GRM8: variants seen among roughly 807,000 people sequenced by gnomAD.
The protein encoded by GRM8 is glutamate metabotropic receptor 8, also known as metabotropic glutamate receptor 8.
Under a neutral mutation model 87.2 loss-of-function variants are expected in GRM8, and 47 were observed. That is an observed-to-expected ratio of 0.54 (90% CI 0.43 to 0.69). GRM8 has a LOEUF of 0.69. Among genes scored for constraint, GRM8 ranks in the 30% least tolerant of loss-of-function variants. GRM8 has a pLI of 0.00. For missense variants in GRM8, 1,019 were observed against 1,139.2 expected (o/e 0.89, Z 1.52); for synonymous variants, 396 against 404.5 (o/e 0.98, Z 0.25).
chr7:126,906,199 C>T (rs193239404), intron 3 of GRM8, among the ~76,000 whole-genome samples: 195 of 152,260 alleles, frequency 1.3e-3, no homozygotes, highest in African/African-American at 4.4e-3. Flanking sequence ...GACACTGAAC[C>T]AGGAAGAGGG....
intron 9 of GRM8, among the ~76,000 whole-genome samples, chr7:126,527,869 G>A (rs1814109501): frequency 6.6e-6 from 1 of 152,114 alleles, no homozygotes; most frequent in Non-Finnish European, 1.5e-5. Context: ...TTTAACTGCT[G>A]TAATCTGTAA....
chr7:126,472,948 G>T (rs1805471043), intron 9 of GRM8, among the ~76,000 whole-genome samples: 1 of 152,192 alleles, frequency 6.6e-6, no homozygotes, highest in South Asian at 2.1e-4. Context: ...TAAAAGTCAA[G>T]AATTGTGATT....
At chr7:126,883,601 A>AT (rs1554520267) in intron 6 of GRM8, among the ~76,000 whole-genome samples, 4 of 151,978 alleles carry the variant, frequency 2.6e-5, no homozygotes, top group African/African-American at 9.7e-5. Context: ...TAATCAAAGT[A>AT]TTTTTTTTAG....
intron 9 of GRM8, among the ~76,000 whole-genome samples, chr7:126,497,651 C>A (rs115709118): frequency 6.6e-6 from 1 of 151,924 alleles, no homozygotes; most frequent in Non-Finnish European, 1.5e-5. Context: ...TAAAATTATT[C>A]TAGATGGAAT....
chr7:126,946,258 T>C (rs1807525841), intron 3 of GRM8, among the ~76,000 whole-genome samples: 3 of 152,260 alleles, frequency 2.0e-5, no homozygotes, highest in Admixed American at 6.5e-5. Context: ...TCCCAGAACA[T>C]TGGGAGGCCA....
chr7:126,805,181 T>C (rs910200455), intron 6 of GRM8, among the ~76,000 whole-genome samples: 8 of 152,156 alleles, frequency 5.3e-5, no homozygotes, highest in African/African-American at 1.7e-4. Context: ...TTAATGACTG[T>C]CAGCTTCCCT....
intron 3 of GRM8, among the ~76,000 whole-genome samples, chr7:127,054,840 T>C (rs1819828735): frequency 6.6e-6 from 1 of 151,544 alleles, no homozygotes. Context: ...GTTGAACAAA[T>C]CAAAATTTAA....
rs181020267 is a variant in GRM8, at chr7:127,031,301, G to T, written c.727+75195C>A. On this transcript the variant is annotated intron_variant, in intron 3 of 10. Coordinates refer to ENST00000339582, the MANE Select transcript of GRM8 (RefSeq NM_000845.3). Reference sequence around the variant, plus strand: ...GTATCTAGAGGCTTTAAAAATGTTGGTATCATATTATTTGTCATTATCTGC... The same window carrying T: ...GTATCTAGAGGCTTTAAAAATGTTGTTATCATATTATTTGTCATTATCTGC... 2.5e-3 allele frequency among the ~76,000 whole-genome samples: 384 copies of T among 151,712 alleles called. 9 individuals are homozygous for T. Among genetic ancestry groups the T allele is most frequent in the Admixed American group, 0.024 (366 of 15,226 alleles).
At chr7:126,858,749 A>T (rs116166591) in intron 6 of GRM8, among the ~76,000 whole-genome samples, 8 of 152,144 alleles carry the variant, frequency 5.3e-5, no homozygotes, top group African/African-American at 1.9e-4. Flanking sequence ...GCTTTTTTCC[A>T]GTCCTGTTAA....
intron 3 of GRM8, among the ~76,000 whole-genome samples, chr7:127,008,839 C>G (rs185956023): frequency 6.6e-6 from 1 of 152,192 alleles, no homozygotes; most frequent in Admixed American, 6.5e-5. Context: ...ATCCGTTGCT[C>G]ATCAAAGATG....
At chr7:126,734,777 T>C (rs903353520) in intron 7 of GRM8, among the ~76,000 whole-genome samples, 4 of 152,066 alleles carry the variant, frequency 2.6e-5, no homozygotes, top group Admixed American at 2.6e-4. Flanking sequence ...AAGATTGACC[T>C]GTGAACAAGA....
intron 7 of GRM8, among the ~76,000 whole-genome samples, chr7:126,646,790 G>T (rs1026289625): frequency 1.3e-5 from 2 of 152,098 alleles, no homozygotes; most frequent in Non-Finnish European, 2.9e-5. Flanking sequence ...CTTGTACTTG[G>T]CACATAGCAA....
intron 9 of GRM8, among the ~76,000 whole-genome samples, chr7:126,493,165 T>A (rs1808248077): frequency 6.6e-6 from 1 of 152,074 alleles, no homozygotes; most frequent in African/African-American, 2.4e-5. Flanking sequence ...TTATGGTTAA[T>A]AATCTTAATT....
intron 7 of GRM8, among the ~76,000 whole-genome samples, chr7:126,668,191 C>T (rs1311127302): frequency 6.6e-6 from 1 of 152,044 alleles, no homozygotes; most frequent in Non-Finnish European, 1.5e-5. Flanking sequence ...CCCTGTTTAC[C>T]CCCCTTTCTT....
At chr7:126,982,760 G>T (rs2131869806) in intron 3 of GRM8, among the ~76,000 whole-genome samples, 1 of 152,284 alleles carries the variant, frequency 6.6e-6, no homozygotes, top group East Asian at 1.9e-4. Flanking sequence ...TGGTATTGAT[G>T]ACTACCTTCT....
intron 3 of GRM8, among the ~76,000 whole-genome samples, chr7:127,101,182 A>G (rs1011364255): frequency 3.3e-5 from 5 of 152,156 alleles, no homozygotes; most frequent in Non-Finnish European, 5.9e-5. Flanking sequence ...TTCACCTCAC[A>G]AATGACCCCC....
chr7:126,898,682 T>G (rs994338764), intron 6 of GRM8, among the ~76,000 whole-genome samples: 2 of 152,228 alleles, frequency 1.3e-5, no homozygotes, highest in African/African-American at 4.8e-5. Context: ...GTTCAGTATT[T>G]GTGCCTGAAA....
At chr7:127,041,811 G>T (rs2237782) in intron 3 of GRM8, among the ~76,000 whole-genome samples, 112,791 of 152,078 alleles carry the variant, frequency 0.74, 42,956 homozygotes, top group African/African-American at 0.87. Context: ...CTAGCTTAGT[G>T]CTGGTTGGCT....
intron 9 of GRM8, among the ~76,000 whole-genome samples, chr7:126,458,060 C>A (rs1803459431): frequency 6.9e-6 from 1 of 145,828 alleles, no homozygotes; most frequent in African/African-American, 2.5e-5. Context: ...AGTTTAAGAG[C>A]AACTTAGAAA....
Sources: gnomAD v4.1 joint callset for allele counts (sites outside exome capture counted in the v4.1 genomes callset) on GRCh38, gnomAD v4.1.1 for gene constraint, MANE v1.5 for transcripts, NCBI Gene and HGNC (gene_info 2026-07-23, HGNC 2026-07-21) for gene names.